The following SLC14A2 variants were observed in gnomAD, a reference collection of about 807,000 sequenced individuals.
SLC14A2 encodes solute carrier family 14 member 2.
In SLC14A2, 91 loss-of-function variants were observed where a neutral mutation model predicts 104.6. The observed-to-expected ratio is 0.87, with a 90% CI of 0.73 to 1.04. The LOEUF (loss-of-function observed/expected upper bound fraction) is 1.04, where lower values mean the gene tolerates loss of function less well. Ranked by LOEUF, SLC14A2 falls within the 50% of genes least tolerant of loss-of-function variation. SLC14A2 has a pLI of 0.00. For synonymous variants in SLC14A2, 476 were observed against 466.4 expected, an observed-to-expected ratio of 1.02 and a Z score of -0.27; for missense variants, 1,189 against 1,156.0, an observed-to-expected ratio of 1.03 and a Z score of -0.41.
chr18:45,568,633 A>G (rs1453141995), intron 2 of SLC14A2, among the ~76,000 whole-genome samples: 18 of 152,240 alleles, frequency 1.2e-4, no homozygotes, highest in Non-Finnish European at 2.9e-5. Context: ...TACCAGCAAC[A>G]TTCAAGAAGG....
chr18:45,626,026 A>G (rs1030368545), intron 3 of SLC14A2, among the ~76,000 whole-genome samples, 163 bp downstream of exon 3: 6 of 152,116 alleles, frequency 3.9e-5, no homozygotes, highest in Non-Finnish European at 8.8e-5. Flanking sequence ...CAGCTGGGGG[A>G]ACTTCAGCCC....
rs145632250 is a variant in SLC14A2 at position 45,297,241 on chromosome 18, A to G, written c.-125+84050A>G. 2.4e-3 allele frequency among the ~76,000 whole-genome samples: 371 copies of G among 152,368 alleles called. 2 individuals carry two copies. The highest frequency in any genetic ancestry group is 8.7e-3 in the African/African-American group (360 of 41,590). ...TTTCTTGAGGGTACAGCAACTATTG[A>G]AAGACAGTTTAAAACTGTGGTTTCT... is the stretch of plus-strand genomic sequence containing the variant. On this transcript the variant is annotated intron_variant, in intron 1 of 20. Coordinates refer to the SLC14A2 transcript ENST00000586448.
intron 1 of SLC14A2, among the ~76,000 whole-genome samples, chr18:45,418,341 A>G (rs538459013): frequency 6.6e-6 from 1 of 152,322 alleles, no homozygotes; most frequent in African/African-American, 2.4e-5. Flanking sequence ...AAGTGCCACT[A>G]GAGGTGGCAG....
intron 1 of SLC14A2, among the ~76,000 whole-genome samples, chr18:45,292,488 T>C (rs2084879544): frequency 6.6e-6 from 1 of 152,202 alleles, no homozygotes; most frequent in African/African-American, 2.4e-5. Flanking sequence ...TTCAGTGGTA[T>C]TAGTGGAGCC....
chr18:45,285,901 G>A (rs1015170168), intron 1 of SLC14A2, among the ~76,000 whole-genome samples: 7 of 152,128 alleles, frequency 4.6e-5, no homozygotes, highest in Admixed American at 4.6e-4. Context: ...TCCCATTATA[G>A]TCACCTGGGA....
At chr18:45,330,916 T>A (rs1322957519) in intron 1 of SLC14A2, among the ~76,000 whole-genome samples, 1 of 152,230 alleles carries the variant, frequency 6.6e-6, no homozygotes, top group Non-Finnish European at 1.5e-5. Flanking sequence ...GTTGTGAGGA[T>A]AAATTGACAC....
At chr18:45,219,381 G>A (rs1190166757) in intron 1 of SLC14A2, among the ~76,000 whole-genome samples, 1 of 152,152 alleles carries the variant, frequency 6.6e-6, no homozygotes, top group Non-Finnish European at 1.5e-5. Flanking sequence ...GTCTTTTGCT[G>A]TATGGAGCAA....
the SLC14A2 span, among the ~76,000 whole-genome samples, chr18:45,202,795 A>G: frequency 4.6e-5 from 7 of 152,162 alleles, no homozygotes; most frequent in African/African-American, 1.7e-4. Context: ...AACATAGCCA[A>G]TTAGTTTCTC....
intron 4 of SLC14A2, among the ~76,000 whole-genome samples, chr18:45,628,442 C>CAA (rs59400362): frequency 8.0e-5 from 10 of 124,334 alleles, no homozygotes; most frequent in South Asian, 2.7e-4. Flanking sequence ...GACTCTGCCT[C>CAA]AAAAAAAAAA....
At chr18:45,471,363 A>G (rs1021349736) in intron 1 of SLC14A2, among the ~76,000 whole-genome samples, 2 of 152,076 alleles carry the variant, frequency 1.3e-5, no homozygotes, top group African/African-American at 4.8e-5. Context: ...TTTCTTTACC[A>G]TTGGGTATCA....
chr18:45,292,672 C>G (rs1308602773), intron 1 of SLC14A2, among the ~76,000 whole-genome samples: 1 of 152,142 alleles, frequency 6.6e-6, no homozygotes, highest in East Asian at 1.9e-4. Flanking sequence ...ATTGATAACT[C>G]CCTGCAAACA....
chr18:45,569,561 T>C (rs992783238), intron 2 of SLC14A2, among the ~76,000 whole-genome samples: 1 of 152,186 alleles, frequency 6.6e-6, no homozygotes, highest in African/African-American at 2.4e-5. Context: ...CTCACAACAA[T>C]ATATCTGGGA....
chr18:45,512,522 G>C (rs916163401), intron 2 of SLC14A2, among the ~76,000 whole-genome samples: 4 of 152,134 alleles, frequency 2.6e-5, no homozygotes, highest in Non-Finnish European at 5.9e-5. Flanking sequence ...CTGCTTTCCT[G>C]GTCAGCCCTT....
chr18:45,580,476 C>G (rs1471687209), intron 2 of SLC14A2, among the ~76,000 whole-genome samples: 1 of 151,998 alleles, frequency 6.6e-6, no homozygotes, highest in African/African-American at 2.4e-5. Context: ...TTCAGAGGAG[C>G]CTTAGAAGTC....
intron 1 of SLC14A2, among the ~76,000 whole-genome samples, chr18:45,318,354 C>A (rs1179356691): frequency 6.6e-6 from 1 of 152,188 alleles, no homozygotes. Context: ...GGGTCATGTG[C>A]TCCAGTCCCT....
At chr18:45,374,663 A>G (rs1465127073) in intron 1 of SLC14A2, among the ~76,000 whole-genome samples, 1 of 152,166 alleles carries the variant, frequency 6.6e-6, no homozygotes, top group African/African-American at 2.4e-5. Context: ...TCCCAGCCTC[A>G]GCTGCTGAAA....
intron 10 of SLC14A2, among the ~76,000 whole-genome samples, chr18:45,645,320 C>T (rs746903513): frequency 6.6e-6 from 1 of 151,986 alleles, no homozygotes; most frequent in Non-Finnish European, 1.5e-5. Flanking sequence ...TGTGTCTTTA[C>T]AATAGAATGA....
At chr18:45,550,063 TG>T (rs1334135835) in intron 2 of SLC14A2, 1 of 151,626 alleles carries the variant, frequency 6.6e-6, no homozygotes, top group Admixed American at 6.6e-5. Context: ...CATAGAGAGA[TG>T]GAAATGAACA....
chr18:45,231,722 G>A (rs543983202), intron 1 of SLC14A2, among the ~76,000 whole-genome samples: 2 of 152,324 alleles, frequency 1.3e-5, no homozygotes, highest in East Asian at 3.9e-4. Flanking sequence ...TGGCAAGTGA[G>A]GGGCATGTTT....
Sources: allele counts gnomAD v4.1 joint callset (sites outside exome capture counted in the v4.1 genomes callset), GRCh38; gene constraint gnomAD v4.1.1; transcripts MANE v1.5; gene names NCBI Gene and HGNC (gene_info 2026-07-23, HGNC 2026-07-21).